TP73: variants seen among roughly 807,000 people sequenced by gnomAD.
The protein encoded by TP73 is tumor protein p73, also known as p53-like transcription factor.
In TP73, 25 loss-of-function variants were observed where a neutral mutation model predicts 62.5. That is an observed-to-expected ratio of 0.40 (90% CI 0.29 to 0.56). The LOEUF is 0.56. TP73 is among the 20% of genes least tolerant of loss of function. TP73 has a pLI of 0.46. For missense variants in TP73, 754 were observed against 913.3 expected (o/e 0.83, Z 2.25); for synonymous variants, 423 against 377.5 (o/e 1.12, Z -1.40).
At position 3,689,486 on chromosome 1, in the gene TP73, C is replaced by T. The variant is rs758152770; in HGVS notation, c.186+6306C>T. Among the ~76,000 whole-genome samples, 7 of 152,058 alleles carry T rather than the reference C, an allele frequency of 4.6e-5. No homozygotes were observed. In the East Asian group the frequency reaches 7.8e-4, roughly 17 times the overall value. The stretch of plus-strand genomic sequence containing the variant: ...GGCACAACACCTGGAATCGTCCTTT[C>T]GTCCTCAGCCCGGCCTGCTGGTGGG... On this transcript the variant is annotated intron_variant, in intron 3 of 13. Transcript: ENST00000378295.
chr1:3,722,327 T>C lies in TP73; in HGVS notation c.616+120T>C, dbSNP rs1641138292. 3.2e-6 allele frequency: 4 copies of C among 1,246,232 alleles called. No individual in the cohort carries two copies. The South Asian group carries it at 5.6e-5, about 18-fold the overall frequency. 77.2% of individuals were successfully genotyped at this position (1,246,232 alleles called of 1,614,324 possible). A position where few individuals can be genotyped will look rare whatever the true frequency, so the allele number is the denominator to read the frequency against. Reference sequence around the variant, plus strand: ...GACAGCATGGGCTTAGCCATTCCCCTGCGGAGGGCTTTCAGTGCCTCCACC... The same window carrying C: ...GACAGCATGGGCTTAGCCATTCCCCCGCGGAGGGCTTTCAGTGCCTCCACC... On this transcript the variant is annotated intron_variant, in intron 5 of 13. Transcript: ENST00000378295.
chr1:3,656,262 A>G (rs1384954548), intron 1 of TP73, among the ~76,000 whole-genome samples: 1 of 151,856 alleles, frequency 6.6e-6, no homozygotes, highest in Non-Finnish European at 1.5e-5. Context: ...ACATATGCAC[A>G]TGTTTACAGA....
intron 3 of TP73, 109 bp from the exon 4 acceptor site, chr1:3,707,440 G>A (rs1293206304): frequency 6.9e-7 from 1 of 1,448,888 alleles, no homozygotes. Context: ...TATTTGGGAT[G>A]ACTGGAGCCG....
At chr1:3,690,119 A>T (rs1231632881) in intron 3 of TP73, among the ~76,000 whole-genome samples, 1 of 152,066 alleles carries the variant, frequency 6.6e-6, no homozygotes, top group Non-Finnish European at 1.5e-5. Context: ...GGCCAGTGCC[A>T]GGGTGGGCTC....
intron 1 of TP73, among the ~76,000 whole-genome samples, chr1:3,680,470 C>T (rs766591004): frequency 1.1e-4 from 17 of 152,154 alleles, no homozygotes; most frequent in African/African-American, 2.7e-4. Flanking sequence ...AGGCCTCTGG[C>T]GGCAAAACCT....
chr1:3,654,298 G>T lies in TP73; in HGVS notation c.-34+1657G>T, dbSNP rs11809948. On this transcript the variant is annotated intron_variant, in intron 1 of 13. Coordinates refer to ENST00000378295, the MANE Select transcript of TP73 (RefSeq NM_005427.4). ...ACCTGAGCGGGGCTTGTCTATGCGC[G>T]GCGGCCACCAGAGAATGGCTCGGGA... Among the ~76,000 whole-genome samples, 435 of 152,272 alleles carry T rather than the reference G, an allele frequency of 2.9e-3. 4 individuals are homozygous for T. Among genetic ancestry groups the T allele is most frequent in the African/African-American group, 9.8e-3 (407 of 41,552 alleles).
intron 3 of TP73, among the ~76,000 whole-genome samples, chr1:3,697,530 C>T (rs565882590): frequency 9.0e-4 from 137 of 152,364 alleles, no homozygotes; most frequent in African/African-American, 3.1e-3. Flanking sequence ...CTGTGCCTGG[C>T]TCTGTGTTTC....
intron 3 of TP73, among the ~76,000 whole-genome samples, chr1:3,688,948 G>A (rs1645736402): frequency 6.6e-6 from 1 of 152,176 alleles, no homozygotes; most frequent in African/African-American, 2.4e-5. Flanking sequence ...GGACTCGCCT[G>A]AGTCTCCTTT....
At chr1:3,715,085 G>A (rs1056637743) in intron 4 of TP73, among the ~76,000 whole-genome samples, 1 of 152,184 alleles carries the variant, frequency 6.6e-6, no homozygotes, top group Non-Finnish European at 1.5e-5. Context: ...TGTCCAGGCT[G>A]GGCCACCCAA....
At chr1:3,723,080 G>T (rs941308445) in intron 5 of TP73, among the ~76,000 whole-genome samples, 5 of 150,186 alleles carry the variant, frequency 3.3e-5, no homozygotes, top group Admixed American at 6.6e-5. Context: ...ACCTGGCACT[G>T]GGCTGGGCAC....
At chr1:3,726,916 TGGAC>T (rs1641694454) in intron 6 of TP73, among the ~76,000 whole-genome samples, 195 bp from the exon 7 acceptor site, 1 of 147,806 alleles carries the variant, frequency 6.8e-6, no homozygotes, top group African/African-American at 2.5e-5. Context: ...GATGGATGGA[TGGAC>T]GGATGGATGG....
chr1:3,666,124 CAAAAAAAAAAAAAAAA>C lies in TP73; in HGVS notation c.-34+13495_-34+13510del, dbSNP rs59432695. ...GGGCAACAAGAGCAAAACTCTGTCT[CAAAAAAAAAAAAAAAA>C]AAAAAAAAAAAGAGAGAGAGAGAGA... is the stretch of plus-strand genomic sequence containing the variant. On this transcript the variant is annotated intron_variant, in intron 1 of 13. Transcript: ENST00000378295. This position sits in a 1 kb window ranked among gnomAD's most constrained non-coding sequence, Gnocchi z 6.4. Among the ~76,000 whole-genome samples the C allele has an allele frequency of 7.3e-5, 3 of 41,084 alleles. No homozygotes were observed. Among genetic ancestry groups the C allele is most frequent in the African/African-American group, 1.8e-4 (2 of 11,212 alleles). The allele number at this position is 41,084 out of a possible 152,430, so 27.0% of individuals were successfully genotyped here. A position where few individuals can be genotyped will look rare whatever the true frequency, so the allele number is the denominator to read the frequency against.
chr1:3,716,077 C>T (rs1640571695), intron 4 of TP73, among the ~76,000 whole-genome samples: 1 of 152,200 alleles, frequency 6.6e-6, no homozygotes, highest in Admixed American at 6.5e-5. Flanking sequence ...CTCAGGGTTC[C>T]CACTTGCCCC....
intron 1 of TP73, among the ~76,000 whole-genome samples, chr1:3,676,522 T>G (rs1301975916): frequency 1.3e-5 from 2 of 151,270 alleles, no homozygotes; most frequent in Non-Finnish European, 3.0e-5. Flanking sequence ...GCTGTGGCTT[T>G]CGTGGGAAGC....
intron 6 of TP73, among the ~76,000 whole-genome samples, chr1:3,725,433 AGGTG>A (rs2124496467): frequency 7.7e-6 from 1 of 130,544 alleles, no homozygotes; most frequent in East Asian, 2.5e-4. Flanking sequence ...ATGGGTAGGT[AGGTG>A]GGTGGATGGA....
chr1:3,672,267 G>A lies in TP73; in HGVS notation c.-33-10066G>A, dbSNP rs914467397. 6.6e-6 allele frequency among the ~76,000 whole-genome samples: 1 copy of A among 152,158 alleles called. No individual in the cohort carries two copies. The highest frequency in any genetic ancestry group is 2.4e-5 in the African/African-American group (1 of 41,430). ...GAAGGGTCATTCTCTCTTGGTTGGA[G>A]GAGTGGAAGTGCTTCTCTGGGGAAA... is the stretch of plus-strand genomic sequence containing the variant. On this transcript the variant is annotated intron_variant, in intron 1 of 13. Coordinates refer to ENST00000378295, the MANE Select transcript of TP73 (RefSeq NM_005427.4). This position sits in a 1 kb window ranked among gnomAD's most constrained non-coding sequence, Gnocchi z 5.3.
rs2102043421 is a variant in TP73 at position 3,670,315 on chromosome 1, G to A, written c.-33-12018G>A. 6.6e-6 allele frequency among the ~76,000 whole-genome samples: 1 copy of A among 152,224 alleles called. No homozygotes were observed. The highest frequency in any genetic ancestry group is 3.4e-3 in the Middle Eastern group (1 of 294). On this transcript the variant is annotated intron_variant, in intron 1 of 13. Coordinates refer to ENST00000378295, the MANE Select transcript of TP73 (RefSeq NM_005427.4). The surrounding 1 kb of genome is among the most constrained non-coding windows in gnomAD (Gnocchi z 5.9). ...TCGTCTCCCTGGGGTCCCGCAGTCTGAACTCAAGACTCAAGAGCCCCATGT... is the reference window on the plus strand; with the variant it reads ...TCGTCTCCCTGGGGTCCCGCAGTCTAAACTCAAGACTCAAGAGCCCCATGT...
chr1:3,725,385 TGG>T (rs1641420633), intron 6 of TP73, among the ~76,000 whole-genome samples: 1 of 19,370 alleles, frequency 5.2e-5, no homozygotes, highest in Non-Finnish European at 9.6e-5. Context: ...GGTGGATGGG[TGG>T]ATGGATGGGG....
At chr1:3,655,528 T>C (rs575448397) in intron 1 of TP73, among the ~76,000 whole-genome samples, 20 of 152,320 alleles carry the variant, frequency 1.3e-4, no homozygotes, top group Non-Finnish European at 2.6e-4. Flanking sequence ...GATTTTGCTT[T>C]AAAAGCAAAA....
Sources: gnomAD v4.1 joint callset for allele counts (sites outside exome capture counted in the v4.1 genomes callset) on GRCh38, gnomAD v4.1.1 for gene constraint, Gnocchi (gnomAD v3.1) non-coding constraint, MANE v1.5 for transcripts, NCBI Gene and HGNC (gene_info 2026-07-23, HGNC 2026-07-21) for gene names.